DMD: variants seen among roughly 807,000 people sequenced by gnomAD.
DMD encodes the protein mutant dystrophin.
DMD carries 63 observed loss-of-function variants against 330.1 expected under a neutral mutation model. The observed-to-expected ratio is 0.19, with a 90% CI of 0.16 to 0.24. DMD has a LOEUF of 0.24. Among genes scored for constraint, DMD ranks in the 10% least tolerant of loss-of-function variants. The probability of loss-of-function intolerance (pLI) is 1.00; values close to 1 mark genes in which losing one functional copy is unlikely to be tolerated. For missense variants in DMD, 3,344 were observed against 2,684.1 expected, an observed-to-expected ratio of 1.25 and a Z score of -5.43; for synonymous variants, 1,223 against 959.8, an observed-to-expected ratio of 1.27 and a Z score of -5.07.
In DMD at chrX:31,367,094, C is replaced by A. The variant is rs192423012; in HGVS notation, c.9085-18460G>T. 7.7e-3 allele frequency among the ~76,000 whole-genome samples: 854 copies of A among 111,226 alleles called. 7 individuals are homozygous for A. Among genetic ancestry groups the A allele is most frequent in the African/African-American group, 0.026 (807 of 30,601 alleles). ...GAAGGATGGAATCTTATCATTTACT[C>A]CCTGAATCACTATCATCAGTACAGT... On this transcript the variant is annotated intron_variant, in intron 60 of 78. Transcript: ENST00000357033.
At chrX:31,265,783 T>TGGGGGGGGG (rs57593344) in intron 62 of DMD, among the ~76,000 whole-genome samples, 6 of 16,270 alleles carry the variant, frequency 3.7e-4, no homozygotes, top group South Asian at 5.3e-3. Flanking sequence ...ATTGGGGGTG[T>TGGGGGGGGG]GGGGGGGGGG....
chrX:32,606,946 C>T (rs1019900435), intron 12 of DMD, among the ~76,000 whole-genome samples: 1 of 108,884 alleles, frequency 9.2e-6, no homozygotes, highest in African/African-American at 3.3e-5. Flanking sequence ...AGGGTACACA[C>T]GGACATCTAG....
chrX:31,351,309 T>C (rs183580123), intron 60 of DMD, among the ~76,000 whole-genome samples: 50 of 111,204 alleles, frequency 4.5e-4, no homozygotes, highest in African/African-American at 1.4e-3. Flanking sequence ...ATATAACTTA[T>C]AGGGTTTTGT....
intron 45 of DMD, among the ~76,000 whole-genome samples, chrX:31,955,326 T>A (rs1319676491): frequency 8.9e-6 from 1 of 112,430 alleles, no homozygotes; most frequent in Non-Finnish European, 1.9e-5. Flanking sequence ...TTATTTGTTC[T>A]ACCCTGTCGT....
Position 31,974,357 on chromosome X carries a change from C to T in DMD, c.6439-5843G>A, listed in dbSNP as rs2095421033. Among the ~76,000 whole-genome samples, 5 of 111,050 alleles carry T rather than the reference C, an allele frequency of 4.5e-5. No homozygotes were observed. In the Admixed American group the frequency reaches 4.8e-4, roughly 11 times the overall value. ...TGGGTGATGAGATCTGTACCCCAAACCTCAGCATCATGCGCTATTCCCCTG... is the reference window on the plus strand; with the variant it reads ...TGGGTGATGAGATCTGTACCCCAAATCTCAGCATCATGCGCTATTCCCCTG... On this transcript the variant is annotated intron_variant, in intron 44 of 78. Transcript: ENST00000357033.
chrX:32,602,506 A>T (rs773887486), intron 12 of DMD, among the ~76,000 whole-genome samples: 24 of 111,945 alleles, frequency 2.1e-4, no homozygotes, highest in Non-Finnish European at 4.5e-4. Flanking sequence ...TGCTGCTAAC[A>T]GAATATAGTT....
intron 50 of DMD, among the ~76,000 whole-genome samples, chrX:31,789,945 C>T (rs959963197): frequency 2.7e-5 from 3 of 111,452 alleles, no homozygotes; most frequent in African/African-American, 9.8e-5. Context: ...CTGGTGGAAA[C>T]TATACATGTG....
At chrX:32,843,895 C>T (rs889301063) in intron 4 of DMD, among the ~76,000 whole-genome samples, 4 of 111,785 alleles carry the variant, frequency 3.6e-5, no homozygotes, top group Non-Finnish European at 5.6e-5. Flanking sequence ...ATGCAACACA[C>T]GTATTTTAAT....
chrX:31,582,786 TCA>T (rs765026918), intron 55 of DMD, among the ~76,000 whole-genome samples: 3 of 111,908 alleles, frequency 2.7e-5, no homozygotes, highest in Non-Finnish European at 3.8e-5. Flanking sequence ...ATGCTTGACT[TCA>T]CAGTGATAAG....
chrX:31,155,677 G>A (rs920394965), intron 74 of DMD, among the ~76,000 whole-genome samples: 1 of 111,119 alleles, frequency 9.0e-6, no homozygotes, highest in Non-Finnish European at 1.9e-5. Context: ...AAATTGCATT[G>A]AGCCCTTGAA....
At chrX:32,956,008 C>T (rs1305929741) in intron 2 of DMD, among the ~76,000 whole-genome samples, 1 of 111,288 alleles carries the variant, frequency 9.0e-6, no homozygotes, top group East Asian at 2.8e-4. Flanking sequence ...CTTAGTATTG[C>T]CTTGGCTACT....
At chrX:31,986,053 C>T (rs1481251600) in intron 44 of DMD, among the ~76,000 whole-genome samples, 1 of 111,024 alleles carries the variant, frequency 9.0e-6, no homozygotes, top group Non-Finnish European at 1.9e-5. Flanking sequence ...TGGTTGGAGC[C>T]CCTTGAATGA....
intron 42 of DMD, among the ~76,000 whole-genome samples, chrX:32,305,547 C>G (rs2097537325): frequency 9.0e-6 from 1 of 111,142 alleles, no homozygotes; most frequent in Admixed American, 9.6e-5. Flanking sequence ...CTGACATTCT[C>G]TCACTACCGA....
chrX:32,761,477 C>T (rs1441124121), intron 7 of DMD, among the ~76,000 whole-genome samples: 3 of 112,111 alleles, frequency 2.7e-5, no homozygotes, highest in African/African-American at 9.7e-5. Flanking sequence ...GTAACTTATA[C>T]ACACACATAC....
intron 60 of DMD, among the ~76,000 whole-genome samples, chrX:31,385,069 C>T (rs983367917): frequency 8.9e-6 from 1 of 112,062 alleles, no homozygotes; most frequent in African/African-American, 3.2e-5. Context: ...GCCCATTTCT[C>T]CTCAAAATTC....
At chrX:32,009,630 T>C (rs2095690108) in intron 44 of DMD, among the ~76,000 whole-genome samples, 1 of 111,653 alleles carries the variant, frequency 9.0e-6, no homozygotes, top group Non-Finnish European at 1.9e-5. Flanking sequence ...TTTTTAAAAG[T>C]CTATATTACT....
At chrX:32,827,242 C>G in intron 4 of DMD, among the ~76,000 whole-genome samples, 1 of 110,512 alleles carries the variant, frequency 9.0e-6, no homozygotes, top group East Asian at 2.8e-4. Context: ...AAGCAAAAGA[C>G]ATAAGATATA....
At chrX:32,528,667 TAAG>T (rs2047150938) in intron 17 of DMD, among the ~76,000 whole-genome samples, 1 of 111,284 alleles carries the variant, frequency 9.0e-6, no homozygotes, top group African/African-American at 3.3e-5. Flanking sequence ...TTAAGTCTGA[TAAG>T]AAGCACTCTA....
At chrX:32,715,469 CAAAAAAA>C (rs61325834) in intron 7 of DMD, among the ~76,000 whole-genome samples, 8 of 17,216 alleles carry the variant, frequency 4.6e-4, no homozygotes, top group Admixed American at 8.0e-4. Flanking sequence ...GAGATTCCAT[CAAAAAAA>C]AAAAAAAAAA....
Sources: gnomAD v4.1 joint callset for allele counts (sites outside exome capture counted in the v4.1 genomes callset) on GRCh38, gnomAD v4.1.1 for gene constraint, MANE v1.5 for transcripts, NCBI Gene and HGNC (gene_info 2026-07-23, HGNC 2026-07-21) for gene names.